Variants in PLPPR1 observed in about 807,000 individuals in gnomAD.
The protein encoded by PLPPR1 is phospholipid phosphatase related 1, also known as phospholipid phosphatase-related protein type 1.
A neutral mutation model predicts 33.1 loss-of-function variants in PLPPR1; 10 were observed. The ratio of observed to expected loss-of-function variants is 0.30; its 90% CI spans 0.19 to 0.51. The LOEUF (loss-of-function observed/expected upper bound fraction) is 0.51. Ranked by LOEUF, PLPPR1 falls within the 20% of genes least tolerant of loss-of-function variation. PLPPR1 has a pLI of 0.97. For synonymous variants in PLPPR1, 151 were observed against 151.0 expected (o/e 1.00, Z 0.00); for missense variants, 304 against 408.1 (o/e 0.74, Z 2.20).
intron 2 of PLPPR1, among the ~76,000 whole-genome samples, chr9:101,214,426 A>G (rs1301415790): frequency 2.6e-5 from 4 of 152,196 alleles, no homozygotes; most frequent in Admixed American, 1.3e-4. Context: ...ACACATGCAC[A>G]CACACACATA....
At chr9:101,087,813 A>G (rs974271954) in intron 1 of PLPPR1, among the ~76,000 whole-genome samples, 1 of 152,188 alleles carries the variant, frequency 6.6e-6, no homozygotes, top group African/African-American at 2.4e-5. Flanking sequence ...GAGAGTGACT[A>G]TTTGGTATTA....
At chr9:101,109,964 G>A (rs942006761) in intron 1 of PLPPR1, among the ~76,000 whole-genome samples, 3 of 152,138 alleles carry the variant, frequency 2.0e-5, no homozygotes, top group African/African-American at 7.2e-5. Flanking sequence ...AGGTGGGGAT[G>A]CTTCTGTTCA....
At position 101,324,391 on chromosome 9, in the gene PLPPR1, G is replaced by GTA. The variant is rs1564040390; in HGVS notation, c.*334_*335insTA. The GTA allele has an allele frequency of 3.7e-5, 8 of 214,478 alleles. No homozygotes were observed. In the South Asian group the frequency reaches 6.3e-4, roughly 17 times the overall value. The allele number at this position is 214,478 out of a possible 1,614,324, so 13.3% of individuals were successfully genotyped here. On this transcript the variant is annotated 3_prime_UTR_variant, in exon 8 of 8. Coordinates refer to ENST00000374874, the MANE Select transcript of PLPPR1 (RefSeq NM_207299.2). ...TTCTTTTCTCAGTTTTATAAACACA[G>GTA]AATATAACAATTCACTTTAAACTTT...
chr9:101,322,664 A>G (rs1396126313), intron 7 of PLPPR1: 2 of 152,230 alleles, frequency 1.3e-5, no homozygotes, highest in Non-Finnish European at 2.9e-5. Context: ...CATGTATAAA[A>G]GCTTAATAGT....
At chr9:101,126,274 G>A (rs1173433392) in intron 1 of PLPPR1, among the ~76,000 whole-genome samples, 2 of 152,138 alleles carry the variant, frequency 1.3e-5, no homozygotes. Flanking sequence ...ATAACTAATT[G>A]AATTTCTCTG....
chr9:101,160,093 T>C (rs1445984934), intron 1 of PLPPR1, among the ~76,000 whole-genome samples: 6 of 152,154 alleles, frequency 3.9e-5, no homozygotes, highest in African/African-American at 1.4e-4. Flanking sequence ...TTTGGATTTG[T>C]AAAGTGCATG....
chr9:101,216,981 A>G (rs1247470665), intron 2 of PLPPR1, among the ~76,000 whole-genome samples: 1 of 152,226 alleles, frequency 6.6e-6, no homozygotes, highest in Non-Finnish European at 1.5e-5. Flanking sequence ...AAATTCATGT[A>G]TGGTAAGGTA....
At chr9:101,059,103 T>A (rs1447722064) in intron 1 of PLPPR1, among the ~76,000 whole-genome samples, 1 of 152,096 alleles carries the variant, frequency 6.6e-6, no homozygotes, top group African/African-American at 2.4e-5. Flanking sequence ...TCATTGCATA[T>A]GAGGTAGACA....
intron 1 of PLPPR1, among the ~76,000 whole-genome samples, chr9:101,030,962 T>G (rs1829937647): frequency 4.2e-5 from 6 of 142,378 alleles, no homozygotes; most frequent in South Asian, 2.4e-4. Flanking sequence ...AAGCAGGGGG[T>G]GGGGGGGAAT....
chr9:101,150,039 G>A (rs1338217645), intron 1 of PLPPR1, among the ~76,000 whole-genome samples: 2 of 151,948 alleles, frequency 1.3e-5, no homozygotes, highest in Non-Finnish European at 2.9e-5. Flanking sequence ...ATCCACAGCT[G>A]TTTTTCAGTT....
At position 101,270,981 on chromosome 9, in the gene PLPPR1, C is replaced by A. The variant is rs1331296456; in HGVS notation, c.252+913C>A. ...GGAATATAGCAATTGCTTAGATATT[C>A]AGTTCGAATATTAGTTTTTTGTGCC... is the stretch of plus-strand genomic sequence containing the variant. On this transcript the variant is annotated intron_variant, in intron 3 of 7. Transcript: ENST00000374874. Among the ~76,000 whole-genome samples the A allele has an allele frequency of 2.0e-5, 3 of 152,040 alleles. No individual in the cohort carries two copies. The East Asian group carries it at 5.8e-4, about 29-fold the overall frequency.
chr9:101,148,019 G>A (rs1831540953), intron 1 of PLPPR1, among the ~76,000 whole-genome samples: 1 of 152,072 alleles, frequency 6.6e-6, no homozygotes, highest in African/African-American at 2.4e-5. Flanking sequence ...ATTAGGAGAG[G>A]GTCCTACATG....
intron 2 of PLPPR1, among the ~76,000 whole-genome samples, chr9:101,266,718 A>G (rs1015167961): frequency 7.2e-5 from 11 of 152,200 alleles, no homozygotes; most frequent in Non-Finnish European, 1.6e-4. Context: ...TTAGGCATGT[A>G]ATGCTTTCTT....
intron 1 of PLPPR1, among the ~76,000 whole-genome samples, chr9:101,111,075 C>T (rs972110793): frequency 3.9e-4 from 59 of 152,010 alleles, no homozygotes; most frequent in African/African-American, 1.3e-3. Flanking sequence ...TAGATGATGA[C>T]CCTTGGAAAA....
At chr9:101,041,187 A>T (rs1478301547) in intron 1 of PLPPR1, among the ~76,000 whole-genome samples, 3 of 152,190 alleles carry the variant, frequency 2.0e-5, no homozygotes, top group Admixed American at 2.0e-4. Flanking sequence ...GAGCTTACTT[A>T]TGCCATGAGT....
intron 1 of PLPPR1, among the ~76,000 whole-genome samples, chr9:101,078,816 GA>G (rs113337272): frequency 0.039 from 5,872 of 150,954 alleles, 176 homozygotes; most frequent in East Asian, 0.082. Flanking sequence ...TTCTTAGTAC[GA>G]AAAAAAAGTA....
intron 3 of PLPPR1, among the ~76,000 whole-genome samples, chr9:101,272,640 A>C (rs1257839629): frequency 6.6e-6 from 1 of 152,202 alleles, no homozygotes; most frequent in South Asian, 2.1e-4. Context: ...AGAGGACAAG[A>C]ATAGACAACT....
chr9:101,252,437 G>A (rs775292200), intron 2 of PLPPR1, among the ~76,000 whole-genome samples: 1 of 152,124 alleles, frequency 6.6e-6, no homozygotes, highest in East Asian at 1.9e-4. Context: ...GAGTTTGACC[G>A]AAGTCCCAAT....
chr9:101,038,621 C>G (rs1166310300), intron 1 of PLPPR1, among the ~76,000 whole-genome samples: 1 of 152,114 alleles, frequency 6.6e-6, no homozygotes, highest in East Asian at 1.9e-4. Context: ...AGGCAGTTTC[C>G]AGCCTGTTAA....
Sources: gnomAD v4.1 joint callset for allele counts (sites outside exome capture counted in the v4.1 genomes callset) on GRCh38, gnomAD v4.1.1 for gene constraint, MANE v1.5 for transcripts, NCBI Gene and HGNC (gene_info 2026-07-23, HGNC 2026-07-21) for gene names.